ZNF142: variants seen among roughly 807,000 people sequenced by gnomAD.
ZNF142 encodes zinc finger protein 142.
Under a neutral mutation model 132.1 loss-of-function variants are expected in ZNF142, and 96 were observed. That is an observed-to-expected ratio of 0.73 (90% CI 0.62 to 0.86). The LOEUF (loss-of-function observed/expected upper bound fraction) is 0.86, where lower values mean the gene tolerates loss of function less well. Among genes scored for constraint, ZNF142 ranks in the 40% least tolerant of loss-of-function variants. The probability of loss-of-function intolerance (pLI) is 0.00; values close to 1 mark genes in which losing one functional copy is unlikely to be tolerated. For synonymous variants in ZNF142, 842 were observed against 890.1 expected (o/e 0.95, Z 0.96); for missense variants, 2,163 against 2,336.2 (o/e 0.93, Z 1.53).
chr2:218,633,476 C>T lies in ZNF142; in HGVS notation c.*4863G>A, dbSNP rs747104776. ...CAAGCCTGAGTCCCTTCTCTTGTCCCGGCAGGTGAGGCAGGAGGGAGAATA... is the reference window on the plus strand; with the variant it reads ...CAAGCCTGAGTCCCTTCTCTTGTCCTGGCAGGTGAGGCAGGAGGGAGAATA... On this transcript the variant is annotated 3_prime_UTR_variant, in exon 11 of 11. Coordinates refer to ENST00000411696, the MANE Select transcript of ZNF142 (RefSeq NM_001379659.1). 1.4e-5 allele frequency: 15 copies of T among 1,110,472 alleles called. No homozygotes were observed. The highest frequency in any genetic ancestry group is 2.6e-5 in the South Asian group (2 of 77,340). The allele number at this position is 1,110,472 out of a possible 1,614,324, so 68.8% of individuals were successfully genotyped here.
chr2:218,640,910 C>T, intron 9 of ZNF142, 141 bp from the exon 10 acceptor site: 1 of 609,424 alleles, frequency 1.6e-6, no homozygotes, highest in Non-Finnish European at 2.8e-6. Context: ...TTTTCTTAAT[C>T]TTCAGTTTAC....
Position 218,633,361 on chromosome 2 carries a change from C to T in ZNF142, c.*4978G>A. 2.8e-6 allele frequency: 2 copies of T among 703,878 alleles called. No individual in the cohort carries two copies. The highest frequency in any genetic ancestry group is 5.2e-6 in the Non-Finnish European group (2 of 385,540). The allele number at this position is 703,878 out of a possible 1,614,324, so 43.6% of individuals were successfully genotyped here. ...TGATCCCAGCAGTACATGCAGACCGCCTTTATTCCCATTCCCACCCCCAGG... is the reference window on the plus strand; with the variant it reads ...TGATCCCAGCAGTACATGCAGACCGTCTTTATTCCCATTCCCACCCCCAGG... On this transcript the variant is annotated 3_prime_UTR_variant, in exon 11 of 11. Coordinates refer to ENST00000411696, the MANE Select transcript of ZNF142 (RefSeq NM_001379659.1).
At position 218,638,311 on chromosome 2, in the gene ZNF142, C is replaced by T. The variant is rs1028289196; in HGVS notation, c.*28G>A. The T allele has an allele frequency of 8.5e-5, 127 of 1,492,022 alleles. No homozygotes were observed. The highest frequency in any genetic ancestry group is 1.0e-4 in the Non-Finnish European group (116 of 1,120,648). 92.4% of individuals were successfully genotyped at this position (1,492,022 alleles called of 1,614,324 possible). ...GTCTGCACATCTCAGACCATACCCT[C>T]TTCCTATACAGGAGGTGGGGCAGGC... On this transcript the variant is annotated 3_prime_UTR_variant, in exon 11 of 11. Coordinates refer to ENST00000411696, the MANE Select transcript of ZNF142 (RefSeq NM_001379659.1).
rs983994246 is a variant in ZNF142, at chr2:218,635,819, C to T, written c.*2520G>A. On this transcript the variant is annotated 3_prime_UTR_variant, in exon 11 of 11. Coordinates refer to ENST00000411696, the MANE Select transcript of ZNF142 (RefSeq NM_001379659.1). The stretch of plus-strand genomic sequence containing the variant: ...AGGTGATCAGCGGTCAGCAACTCCC[C>T]AAAGTGGACAAGACCAAAGAGGGGT... 16 of 1,613,454 alleles carry T rather than the reference C, an allele frequency of 9.9e-6. No homozygotes were observed. The highest frequency in any genetic ancestry group is 1.4e-5 in the Non-Finnish European group (16 of 1,179,686).
In ZNF142 at chr2:218,649,133, G is replaced by T; in HGVS notation, c.1375C>A (p.Arg459Ser). 6.2e-7 allele frequency: 1 copy of T among 1,614,096 alleles called. No homozygotes were observed. The highest frequency in any genetic ancestry group is 1.1e-5 in the South Asian group (1 of 91,080). Residue 459 changes from arginine (R) to serine (S), a missense_variant, in exon 7 of 11, where the codon CGT (arginine) becomes AGT (serine). This residue lies in a region of ZNF142 where 749 missense variants were observed against 830.3 expected (regional missense o/e 0.90). Transcript: ENST00000411696. ...GCCTGGCTGAGGCGGAATTCCTCAC[G>T]GCAGACAGGACAGGCATAGGTGTCT... ...YSDTYACPVC[R>S]EEFRLSQALK... is the part of the protein sequence containing the mutation.
At chr2:218,645,661 G>A (rs977330075) in intron 8 of ZNF142, among the ~76,000 whole-genome samples, 3 of 152,206 alleles carry the variant, frequency 2.0e-5, no homozygotes, top group African/African-American at 7.2e-5. Context: ...AGCCCAGAGA[G>A]TGCTCGCTAT....
intron 3 of ZNF142, among the ~76,000 whole-genome samples, chr2:218,658,041 A>G (rs1938726644): frequency 6.6e-6 from 1 of 151,824 alleles, no homozygotes; most frequent in African/African-American, 2.4e-5. Flanking sequence ...ATAACGTAAC[A>G]CATTTGGAGA....
Position 218,638,485 on chromosome 2 carries a change from C to T in ZNF142, c.5518G>A (p.Val1840Ile), listed in dbSNP as rs1216015544. Residue 1840 changes from valine to isoleucine, a missense_variant, in exon 11 of 11, where the codon GTA (valine) becomes ATA (isoleucine). Coordinates refer to ENST00000411696, the MANE Select transcript of ZNF142 (RefSeq NM_001379659.1). ...AKQKFQVVKH[V>I]RRHHPDQADP... ...GCTTGGTCAGGGTGGTGCCTGCGTA[C>T]GTGCTTGACCACCTGGAACTTTTGC... 24 of 1,601,332 alleles carry T rather than the reference C, an allele frequency of 1.5e-5. No homozygotes were observed. Among genetic ancestry groups the T allele is most frequent in the South Asian group, 2.2e-5 (2 of 89,378 alleles).
intron 10 of ZNF142, 31 bp from the exon 11 acceptor site, chr2:218,638,839 A>G: frequency 6.5e-7 from 1 of 1,533,444 alleles, no homozygotes; most frequent in Non-Finnish European, 8.8e-7. Context: ...CACCATTGAA[A>G]GGCGGTGGAG....
At position 218,637,409 on chromosome 2, in the gene ZNF142, G is replaced by A. The variant is rs2278529; in HGVS notation, c.*930C>T. 0.6 allele frequency among the ~76,000 whole-genome samples: 91,083 copies of A among 152,062 alleles called. 27,486 individuals carry two copies. Among genetic ancestry groups the A allele is most frequent in the East Asian group, 0.82 (4,239 of 5,174 alleles). On this transcript the variant is annotated 3_prime_UTR_variant, in exon 11 of 11. Coordinates refer to ENST00000411696, the MANE Select transcript of ZNF142 (RefSeq NM_001379659.1). ...TGAAGAGTCTGGCTGGAACCATCCT[G>A]GTTTATGTCTGTTGTCCCAGCATAA...
chr2:218,643,720 T>G lies in ZNF142; in HGVS notation c.3396A>C (p.Glu1132Asp), dbSNP rs767261232. The part of the protein sequence containing the change: ...ESGKPPPASQ[E>D]AELLLPKDAP... The stretch of plus-strand genomic sequence containing the variant: ...CATCTTTTGGAAGCAGTAGCTCTGC[T>G]TCTTGTGATGCAGGTGGGGGCTTCC... Residue 1132 changes from glutamate to aspartate, a missense_variant, in exon 9 of 11, where the codon GAA becomes GAC. Glu to Asp is a conservative substitution (Grantham distance 45). Transcript: ENST00000411696. 6.9e-6 allele frequency: 11 copies of G among 1,604,594 alleles called. No individual in the cohort carries two copies. Among genetic ancestry groups the G allele is most frequent in the Non-Finnish European group, 9.4e-6 (11 of 1,176,222 alleles).
rs750224518 is a variant in ZNF142, at chr2:218,656,116, T to C, written c.280+34A>G. The C allele has an allele frequency of 5.4e-6, 8 of 1,468,466 alleles. No individual in the cohort carries two copies. In the South Asian group the frequency reaches 1.1e-4, roughly 20 times the overall value. The allele number at this position is 1,468,466 out of a possible 1,614,324, so 91.0% of individuals were successfully genotyped here. ...ACCCAGACAAAACCTCAGAGCTGCT[T>C]GTCCCACTGGCCTGCTTGCAACTGT... On this transcript the variant is annotated intron_variant, in intron 4 of 10. Coordinates refer to ENST00000411696, the MANE Select transcript of ZNF142 (RefSeq NM_001379659.1).
chr2:218,638,589 G>A lies in ZNF142; in HGVS notation c.5414C>T (p.Ala1805Val). ...GAGGGCATGATGGCGCAGGCCAGCA[G>A]CCCAGCGGAAAGCACGGTGGCACAC... The part of the protein sequence containing the change: ...CNVCHRAFRW[A>V]AGLRHHALTH... The change falls in exon 11 of 11, where the codon GCT (alanine) becomes GTT (valine). Residue 1805 changes from alanine (A) to valine (V), a missense_variant. Ala to Val is a moderately conservative substitution (Grantham distance 64). This residue lies in a region of ZNF142 where 325 missense variants were observed against 367.8 expected (regional missense o/e 0.88). Transcript: ENST00000411696. 6.2e-7 allele frequency: 1 copy of A among 1,612,972 alleles called. No individual in the cohort carries two copies. The highest frequency in any genetic ancestry group is 8.5e-7 in the Non-Finnish European group (1 of 1,179,046).
rs1696547110 is a variant in ZNF142 at position 218,633,933 on chromosome 2, G to A, written c.*4406C>T. The A allele has an allele frequency of 3.3e-6, 4 of 1,202,248 alleles. No individual in the cohort carries two copies. In the East Asian group the frequency reaches 1.0e-4, roughly 31 times the overall value. 74.5% of individuals were successfully genotyped at this position (1,202,248 alleles called of 1,614,324 possible). A position where few individuals can be genotyped will look rare whatever the true frequency, so the allele number is the denominator to read the frequency against. The stretch of plus-strand genomic sequence containing the variant: ...AGGAGTTATGAATAGTGGCTCAAGG[G>A]TCTAGGGGCAGGAAAGCTGGTCTGG... On this transcript the variant is annotated 3_prime_UTR_variant, in exon 11 of 11. Coordinates refer to ENST00000411696, the MANE Select transcript of ZNF142 (RefSeq NM_001379659.1).
intron 9 of ZNF142, 121 bp from the exon 10 acceptor site, chr2:218,640,890 G>A: frequency 2.8e-6 from 2 of 721,804 alleles, no homozygotes; most frequent in Non-Finnish European, 4.5e-6. Context: ...CAGACATTAT[G>A]GAACTTTGTT....
At chr2:218,656,544 T>C (rs1158575464) in intron 3 of ZNF142, 81 bp from the exon 4 acceptor site, 2 of 1,044,120 alleles carry the variant, frequency 1.9e-6, no homozygotes, top group East Asian at 5.7e-5. Context: ...CACAGCCCAG[T>C]GCCCACCCAC....
At position 218,642,089 on chromosome 2, in the gene ZNF142, C is replaced by T. The variant is rs777332957; in HGVS notation, c.5027G>A (p.Gly1676Glu). The T allele has an allele frequency of 6.2e-7, 1 of 1,614,202 alleles. No individual in the cohort carries two copies. The highest frequency in any genetic ancestry group is 8.5e-7 in the Non-Finnish European group (1 of 1,180,032). ...KITWHSRIHT[G>E]EKPYHCHLCP... is the part of the protein sequence containing the mutation. ...GAGGTGACAGTGGTAAGGCTTTTCCCCAGTGTGGATGCGGCTGTGCCAGGT... is the reference window on the plus strand; with the variant it reads ...GAGGTGACAGTGGTAAGGCTTTTCCTCAGTGTGGATGCGGCTGTGCCAGGT... The change falls in exon 9 of 11, where the codon GGG (glycine) becomes GAG (glutamate). Residue 1676 changes from glycine (G) to glutamate (E), a missense_variant. Around this residue, in one of 7 missense-constraint regions of ZNF142, gnomAD observed 325 missense variants for 367.8 expected, o/e 0.88. Coordinates refer to ENST00000411696, the MANE Select transcript of ZNF142 (RefSeq NM_001379659.1). The surrounding 1 kb of genome is among the most constrained non-coding windows in gnomAD (Gnocchi z 4.6).
chr2:218,641,816 C>T (rs570460948), intron 9 of ZNF142, among the ~76,000 whole-genome samples: 4 of 152,294 alleles, frequency 2.6e-5, no homozygotes, highest in Admixed American at 2.0e-4. Flanking sequence ...AGATTACAGG[C>T]GTGAGCCACA....
intron 4 of ZNF142, among the ~76,000 whole-genome samples, 159 bp from the exon 5 acceptor site, chr2:218,652,459 G>A (rs1938098740): frequency 6.6e-6 from 1 of 152,210 alleles, no homozygotes; most frequent in African/African-American, 2.4e-5. Flanking sequence ...GCCCCATAAG[G>A]TCAGGGACCA....
Sources: gnomAD v4.1 joint callset for allele counts (sites outside exome capture counted in the v4.1 genomes callset) on GRCh38, gnomAD v4.1.1 for gene constraint, gnomAD v4.1.1 regional missense constraint, Gnocchi (gnomAD v3.1) non-coding constraint, MANE v1.5 for transcripts, NCBI Gene and HGNC (gene_info 2026-07-23, HGNC 2026-07-21) for gene names.